Variants in PPP1CB observed in about 807,000 individuals in gnomAD.
PPP1CB encodes serine/threonine-protein phosphatase PP1-beta catalytic subunit.
Under a neutral mutation model 43.7 loss-of-function variants are expected in PPP1CB, and 2 were observed. The ratio of observed to expected loss-of-function variants is 0.05; its 90% CI spans 0.02 to 0.14. The LOEUF (loss-of-function observed/expected upper bound fraction) is 0.14. Ranked by LOEUF, PPP1CB falls within the 10% of genes least tolerant of loss-of-function variation. The pLI is 1.00. For missense variants in PPP1CB, 84 were observed against 398.0 expected (o/e 0.21, Z 6.71); for synonymous variants, 136 against 135.6 (o/e 1.00, Z -0.02).
At chr2:28,794,282 C>T (rs1162773559) in intron 7 of PPP1CB, among the ~76,000 whole-genome samples, 1 of 152,148 alleles carries the variant, frequency 6.6e-6, no homozygotes, top group Non-Finnish European at 1.5e-5. Flanking sequence ...TGAATAGTGG[C>T]TTACTAAAAG....
chr2:28,758,595 G>T (rs1666542660), intron 1 of PPP1CB, among the ~76,000 whole-genome samples: 1 of 152,186 alleles, frequency 6.6e-6, no homozygotes, highest in Non-Finnish European at 1.5e-5. Context: ...TAAATAACCA[G>T]TAGCCAGTTT....
chr2:28,790,989 G>A (rs1019391745), intron 6 of PPP1CB, among the ~76,000 whole-genome samples: 5 of 152,100 alleles, frequency 3.3e-5, no homozygotes, highest in African/African-American at 9.7e-5. Context: ...TCTAAGGAAG[G>A]GATTACAACT....
At chr2:28,775,001 A>G (rs1448253649) in intron 1 of PPP1CB, among the ~76,000 whole-genome samples, 1 of 151,928 alleles carries the variant, frequency 6.6e-6, no homozygotes, top group Non-Finnish European at 1.5e-5. Flanking sequence ...TTTTATATTA[A>G]TATATTAATG....
chr2:28,752,170 C>G lies in PPP1CB; in HGVS notation c.46C>G (p.Leu16Val). 6.5e-7 allele frequency: 1 copy of G among 1,546,934 alleles called. No homozygotes were observed. Among genetic ancestry groups the G allele is most frequent in the Non-Finnish European group, 8.7e-7 (1 of 1,144,856 alleles). The stretch of plus-strand genomic sequence containing the variant: ...CGTGGACAGCCTCATCACCCGGCTG[C>G]TGGAGGGTGAGTGCGCGCCTGGCCG... Reference protein sequence around the residue: ...LNVDSLITRLLEVRGCRPGKI... With the variant: ...LNVDSLITRLVEVRGCRPGKI... The change falls in exon 1 of 8, where the codon CTG becomes GTG. Residue 16 changes from leucine to valine, a missense_variant. Leu to Val is a conservative substitution (Grantham distance 32). This residue lies in a region of PPP1CB where 27 missense variants were observed against 42.7 expected (regional missense o/e 0.63). Transcript: ENST00000395366.
chr2:28,799,169 T>TA (rs1427686600), intron 7 of PPP1CB, 30 bp from the exon 8 acceptor site: 3 of 1,404,220 alleles, frequency 2.1e-6, no homozygotes, highest in Non-Finnish European at 3.0e-6. Flanking sequence ...CATGAAAAAA[T>TA]AACATTATTT....
chr2:28,787,293 A>T (rs1050016973), intron 5 of PPP1CB, among the ~76,000 whole-genome samples: 53 of 152,078 alleles, frequency 3.5e-4, no homozygotes, highest in South Asian at 1.5e-3. Context: ...CCCCATCTCT[A>T]CTAAAAATAC....
chr2:28,763,981 A>G lies in PPP1CB; in HGVS notation c.52+11805A>G, dbSNP rs137886969. ...CTCCCAGAATGCTGGGATTACAGGC[A>G]TGAGCCACCATGCCCGGCCCACATT... On this transcript the variant is annotated intron_variant, in intron 1 of 7. Transcript: ENST00000395366. Among the ~76,000 whole-genome samples, 686 of 151,988 alleles carry G rather than the reference A, an allele frequency of 4.5e-3. 7 individuals carry two copies. Among genetic ancestry groups the G allele is most frequent in the African/African-American group, 0.016 (647 of 41,476 alleles).
At chr2:28,763,699 C>G (rs1436654871) in intron 1 of PPP1CB, among the ~76,000 whole-genome samples, 1 of 122,040 alleles carries the variant, frequency 8.2e-6, no homozygotes, top group Non-Finnish European at 2.0e-5. Context: ...GTCTCTGAAT[C>G]CACGTTAGTT....
intron 1 of PPP1CB, among the ~76,000 whole-genome samples, chr2:28,763,383 G>A (rs1445424612): frequency 6.6e-6 from 1 of 151,862 alleles, no homozygotes; most frequent in African/African-American, 2.4e-5. Flanking sequence ...GACTTGGTGT[G>A]TACTGAGACA....
chr2:28,766,332 T>C (rs1038333387), intron 1 of PPP1CB, among the ~76,000 whole-genome samples: 1 of 152,216 alleles, frequency 6.6e-6, no homozygotes, highest in Non-Finnish European at 1.5e-5. Context: ...GTTAAGTTCA[T>C]TAGAGCAAAT....
intron 7 of PPP1CB, among the ~76,000 whole-genome samples, chr2:28,797,469 T>C (rs1158071210): frequency 1.3e-5 from 2 of 152,146 alleles, no homozygotes; most frequent in East Asian, 1.9e-4. Flanking sequence ...TGTTCAGGAT[T>C]TTAATTTCCT....
intron 1 of PPP1CB, among the ~76,000 whole-genome samples, chr2:28,759,467 CA>C (rs1666586995): frequency 8.0e-6 from 1 of 124,734 alleles, no homozygotes; most frequent in African/African-American, 3.0e-5. Flanking sequence ...TTGCAGTGAG[CA>C]AAGATTGCAC....
Position 28,802,157 on chromosome 2 carries a change from T to C in PPP1CB, c.*2854T>C, listed in dbSNP as rs1186528151. 6.6e-6 allele frequency: 1 copy of C among 152,182 alleles called. No individual in the cohort carries two copies. Among genetic ancestry groups the C allele is most frequent in the East Asian group, 1.9e-4 (1 of 5,206 alleles). 9.4% of individuals were successfully genotyped at this position (152,182 alleles called of 1,614,324 possible). ...AGAAACATAGGCTTTTCAAAAAAAT[T>C]TTTATTCAAGGCAAAGCAAGGAACA... On this transcript the variant is annotated 3_prime_UTR_variant, in exon 8 of 8. Coordinates refer to ENST00000395366, the MANE Select transcript of PPP1CB (RefSeq NM_002709.3).
chr2:28,758,920 A>G (rs1213967277), intron 1 of PPP1CB, among the ~76,000 whole-genome samples: 1 of 152,214 alleles, frequency 6.6e-6, no homozygotes, highest in Non-Finnish European at 1.5e-5. Flanking sequence ...AGCATATTTC[A>G]CCATAAAGGA....
At chr2:28,777,643 TTTTG>T (rs1375909118) in intron 2 of PPP1CB, among the ~76,000 whole-genome samples, 5 of 152,136 alleles carry the variant, frequency 3.3e-5, no homozygotes, top group Admixed American at 6.5e-5. Flanking sequence ...AATGTTTGTT[TTTTG>T]TTTGTTTGGT....
At chr2:28,794,843 ATAT>A (rs1667465728) in intron 7 of PPP1CB, among the ~76,000 whole-genome samples, 1 of 152,002 alleles carries the variant, frequency 6.6e-6, no homozygotes, top group Non-Finnish European at 1.5e-5. Flanking sequence ...TTTTATTATA[ATAT>A]TTTTATTAAT....
intron 7 of PPP1CB, among the ~76,000 whole-genome samples, chr2:28,797,956 C>T (rs1375389819): frequency 6.6e-6 from 1 of 152,098 alleles, no homozygotes; most frequent in Non-Finnish European, 1.5e-5. Context: ...ATTCCTCTTT[C>T]TCTTTATCAT....
chr2:28,787,207 C>G (rs1667287212), intron 5 of PPP1CB, among the ~76,000 whole-genome samples: 1 of 152,134 alleles, frequency 6.6e-6, no homozygotes, highest in Admixed American at 6.6e-5. Flanking sequence ...CACTTGTAAT[C>G]CCAGCACTCT....
chr2:28,772,444 T>C (rs1325352502), intron 1 of PPP1CB, among the ~76,000 whole-genome samples: 1 of 151,892 alleles, frequency 6.6e-6, no homozygotes, highest in Non-Finnish European at 1.5e-5. Context: ...GGACCAACAG[T>C]GTTAGGAGGA....
Sources: gnomAD v4.1 joint callset for allele counts (sites outside exome capture counted in the v4.1 genomes callset) on GRCh38, gnomAD v4.1.1 for gene constraint, gnomAD v4.1.1 regional missense constraint, MANE v1.5 for transcripts, NCBI Gene and HGNC (gene_info 2026-07-23, HGNC 2026-07-21) for gene names.